Variants in RBM34 observed in about 807,000 individuals in gnomAD.
RBM34 encodes the protein RNA binding motif protein 34, also known as RNA-binding protein 34.
In RBM34, 39 loss-of-function variants were observed where a neutral mutation model predicts 44.6. That is an observed-to-expected ratio of 0.87 (90% CI 0.68 to 1.14). The LOEUF (loss-of-function observed/expected upper bound fraction) is 1.14. RBM34 is among the 50% of genes most tolerant of loss of function. The probability of loss-of-function intolerance (pLI) is 0.00; values close to 1 mark genes in which losing one functional copy is unlikely to be tolerated. For missense variants in RBM34, 572 were observed against 517.9 expected, an observed-to-expected ratio of 1.10 and a Z score of -1.01; for synonymous variants, 194 against 184.0, an observed-to-expected ratio of 1.05 and a Z score of -0.44.
chr1:235,161,079 C>A lies in RBM34; in HGVS notation c.54-12G>T. The A allele has an allele frequency of 6.2e-7, 1 of 1,609,682 alleles. No individual in the cohort carries two copies. The highest frequency in any genetic ancestry group is 8.5e-7 in the Non-Finnish European group (1 of 1,176,404). On this transcript the variant is annotated splice_polypyrimidine_tract_variant and intron_variant, in intron 1 of 10. Coordinates refer to ENST00000408888, the MANE Select transcript of RBM34 (RefSeq NM_015014.4). ...CGTCAGGATTCTCTCTAGAAATGGA[C>A]GACAGAAACTCAGCCACGCCACGCA... is the stretch of plus-strand genomic sequence containing the variant.
chr1:235,157,432 G>A (rs531071379), intron 3 of RBM34, among the ~76,000 whole-genome samples: 3 of 152,228 alleles, frequency 2.0e-5, no homozygotes, highest in Non-Finnish European at 2.9e-5. Context: ...TAGAAGGCTA[G>A]TGGTAGCGCT....
chr1:235,151,479 T>C (rs1003993192), intron 5 of RBM34, among the ~76,000 whole-genome samples: 1 of 152,132 alleles, frequency 6.6e-6, no homozygotes, highest in Non-Finnish European at 1.5e-5. Context: ...TGTCAAAGCT[T>C]TGGGTAACGT....
At chr1:235,152,373 G>A (rs1249058370) in intron 5 of RBM34, 2 of 642,476 alleles carry the variant, frequency 3.1e-6, no homozygotes, top group Non-Finnish European at 3.9e-6. Context: ...TGGGACATAG[G>A]AAGAGAATGC....
At chr1:235,161,103 C>G (rs765619283) in intron 1 of RBM34, 36 bp from the exon 2 acceptor site, 6 of 1,607,322 alleles carry the variant, frequency 3.7e-6, no homozygotes, top group Non-Finnish European at 4.3e-6. Context: ...CCACGCCACG[C>G]ACCACCGCTT....
intron 3 of RBM34, chr1:235,160,154 A>G (rs954309234): frequency 4.9e-6 from 2 of 409,546 alleles, no homozygotes; most frequent in Admixed American, 6.1e-5. Flanking sequence ...CTCAGGGCCG[A>G]GGCAGGAGAA....
At position 235,131,873 on chromosome 1, in the gene RBM34, T is replaced by C; in HGVS notation, c.1133A>G (p.Lys378Arg). 6.2e-7 allele frequency: 1 copy of C among 1,614,202 alleles called. No homozygotes were observed. Among genetic ancestry groups the C allele is most frequent in the Non-Finnish European group, 8.5e-7 (1 of 1,180,032 alleles). Residue 378 changes from lysine to arginine, a missense_variant, in exon 11 of 11, where the codon AAG becomes AGG. Lys to Arg is a conservative substitution (Grantham distance 26, BLOSUM62 2). Transcript: ENST00000408888. ...FKQQNSNPRL[K>R]NVSKPKQGLN... ...TCCCTGCTTAGGTTTACTGACATTC[T>C]TCAATCGTGGATTTGAATTTTGTTG...
intron 4 of RBM34, 50 bp downstream of exon 4, chr1:235,154,831 G>A: frequency 7.0e-7 from 1 of 1,426,326 alleles, no homozygotes. Context: ...TTCAACACAG[G>A]AAGAACAAAG....
intron 6 of RBM34, among the ~76,000 whole-genome samples, chr1:235,140,499 G>T (rs532077047): frequency 6.6e-6 from 1 of 152,210 alleles, no homozygotes; most frequent in Admixed American, 6.5e-5. Context: ...CGCTACGCTC[G>T]ATTTCTCACC....
chr1:235,134,701 A>G (rs1661341007), intron 10 of RBM34, among the ~76,000 whole-genome samples: 1 of 151,942 alleles, frequency 6.6e-6, no homozygotes, highest in Admixed American at 6.6e-5. Flanking sequence ...GTGCAGTTGT[A>G]GCAATATATT....
intron 9 of RBM34, 30 bp from the exon 10 acceptor site, chr1:235,135,800 A>G (rs777449101): frequency 1.3e-6 from 2 of 1,577,378 alleles, no homozygotes; most frequent in African/African-American, 1.3e-5. Flanking sequence ...AAATGGAAGT[A>G]AAGAGTTGGG....
At chr1:235,138,949 C>G (rs1661558292) in intron 6 of RBM34, among the ~76,000 whole-genome samples, 1 of 152,172 alleles carries the variant, frequency 6.6e-6, no homozygotes, top group Admixed American at 6.5e-5. Context: ...TGTAAACTGG[C>G]AGCTGCATCA....
chr1:235,134,343 T>C (rs1414675077), intron 10 of RBM34, among the ~76,000 whole-genome samples: 1 of 152,114 alleles, frequency 6.6e-6, no homozygotes, highest in Non-Finnish European at 1.5e-5. Flanking sequence ...TATTTTTTTG[T>C]AGAGTCGGTG....
In RBM34 at chr1:235,143,042, C is replaced by T. The variant is rs551561397; in HGVS notation, c.702-4868G>A. On this transcript the variant is annotated intron_variant, in intron 6 of 10. Transcript: ENST00000408888. ...TATATCTAGAATATATAAATAACTC[C>T]TTACAACCATATAAAAATAATTTAA... Among the ~76,000 whole-genome samples the T allele has an allele frequency of 4.7e-4, 72 of 152,074 alleles. 1 individual carries two copies. The highest frequency in any genetic ancestry group is 1.7e-3 in the African/African-American group (69 of 41,492).
chr1:235,148,378 C>G, intron 6 of RBM34, 26 bp downstream of exon 6: 1 of 1,546,918 alleles, frequency 6.5e-7, no homozygotes, highest in Non-Finnish European at 8.8e-7. Context: ...TTTAAGGTGA[C>G]TCCCTTTCTC....
intron 4 of RBM34, 101 bp from the exon 5 acceptor site, chr1:235,152,866 C>CTCTACTGG (rs1326419682): frequency 1.0e-6 from 1 of 970,382 alleles, no homozygotes; most frequent in Non-Finnish European, 1.4e-6. Flanking sequence ...CCTCTACTGC[C>CTCTACTGG]AGGCTTTTTT....
At chr1:235,159,501 T>C (rs1250239204) in intron 3 of RBM34, among the ~76,000 whole-genome samples, 1 of 150,912 alleles carries the variant, frequency 6.6e-6, no homozygotes, top group Non-Finnish European at 1.5e-5. Context: ...TGAGTCAAGA[T>C]TGCGCCACTG....
intron 3 of RBM34, 200 bp downstream of exon 3, chr1:235,160,311 T>C: frequency 1.3e-6 from 1 of 742,466 alleles, no homozygotes; most frequent in Middle Eastern, 2.3e-4. Flanking sequence ...ACAAAAAGGT[T>C]AGCCAAATAT....
intron 3 of RBM34, among the ~76,000 whole-genome samples, chr1:235,157,579 C>T (rs1318882275): frequency 2.0e-5 from 3 of 151,238 alleles, no homozygotes; most frequent in East Asian, 3.9e-4. Flanking sequence ...AGAGAGATCA[C>T]GGTGGGCACA....
rs1432903876 is a variant in RBM34 at position 235,161,156 on chromosome 1, G to T, written c.53+18C>A. 1 of 1,599,184 alleles carries T rather than the reference G, an allele frequency of 6.3e-7. No individual in the cohort carries two copies. The highest frequency in any genetic ancestry group is 1.1e-5 in the South Asian group (1 of 89,874). On this transcript the variant is annotated intron_variant, in intron 1 of 10. Coordinates refer to ENST00000408888, the MANE Select transcript of RBM34 (RefSeq NM_015014.4). ...GTACAACATCCCTCCCCAGGTACTC[G>T]TGCCGCGCGCCACTCACCCCTCCTG...
Sources: gnomAD v4.1 joint callset for allele counts (sites outside exome capture counted in the v4.1 genomes callset) on GRCh38, gnomAD v4.1.1 for gene constraint, MANE v1.5 for transcripts, NCBI Gene and HGNC (gene_info 2026-07-23, HGNC 2026-07-21) for gene names.